BTBD16: variants seen among roughly 807,000 people sequenced by gnomAD.
The protein encoded by BTBD16 is BTB domain containing 16.
A neutral mutation model predicts 67.4 loss-of-function variants in BTBD16; 66 were observed. The ratio of observed to expected loss-of-function variants is 0.98; its 90% CI spans 0.80 to 1.20. The LOEUF (loss-of-function observed/expected upper bound fraction) is 1.20, where lower values mean the gene tolerates loss of function less well. Ranked by LOEUF, BTBD16 falls within the 50% of genes most tolerant of loss-of-function variation. The pLI is 0.00. For missense variants in BTBD16, 634 were observed against 616.0 expected, an observed-to-expected ratio of 1.03 and a Z score of -0.31; for synonymous variants, 242 against 236.4, an observed-to-expected ratio of 1.02 and a Z score of -0.22.
intron 12 of BTBD16, 179 bp from the exon 13 acceptor site, chr10:122,332,257 C>G (rs2096456309): frequency 1.7e-6 from 1 of 600,340 alleles, no homozygotes. Flanking sequence ...GTGCCAGACA[C>G]AGTAAGTTTT....
intron 10 of BTBD16, among the ~76,000 whole-genome samples, chr10:122,307,566 T>C (rs2096405867): frequency 6.6e-6 from 1 of 151,950 alleles, no homozygotes; most frequent in Admixed American, 6.6e-5. Context: ...GTAACAGGCA[T>C]GAGGCAAAAG....
intron 8 of BTBD16, among the ~76,000 whole-genome samples, chr10:122,298,651 C>A (rs1160206698): frequency 3.3e-5 from 5 of 152,158 alleles, no homozygotes; most frequent in Non-Finnish European, 7.3e-5. Context: ...GTGGGCAAAG[C>A]CTATGGTCAG....
rs747145143 is a variant in BTBD16, at chr10:122,337,998, GT to G, written c.1453-11del. Reference sequence around the variant, plus strand: ...TCATCCTAAAAGTCACATTCACTTTGTTTTTTTTCATGTTTTAGACCTTGAA... The same window carrying G: ...TCATCCTAAAAGTCACATTCACTTTGTTTTTTTCATGTTTTAGACCTTGAA... On this transcript the variant is annotated intron_variant, in intron 15 of 15. Coordinates refer to ENST00000260723, the MANE Select transcript of BTBD16 (RefSeq NM_144587.5). 100 of 1,595,628 alleles carry G rather than the reference GT, an allele frequency of 6.3e-5. 2 individuals are homozygous for G. In the East Asian group the frequency reaches 2.0e-3, roughly 32 times the overall value.
At chr10:122,331,591 T>A (rs547542188) in intron 12 of BTBD16, among the ~76,000 whole-genome samples, 97 of 152,364 alleles carry the variant, frequency 6.4e-4, no homozygotes, top group Non-Finnish European at 1.1e-3. Flanking sequence ...CATTTAAATT[T>A]CAAATCACTT....
Position 122,331,275 on chromosome 10 carries a change from G to T in BTBD16, c.1086+17G>T. The T allele has an allele frequency of 6.2e-7, 1 of 1,608,006 alleles. No homozygotes were observed. Among genetic ancestry groups the T allele is most frequent in the South Asian group, 1.1e-5 (1 of 89,280 alleles). On this transcript the variant is annotated intron_variant, in intron 12 of 15. Coordinates refer to ENST00000260723, the MANE Select transcript of BTBD16 (RefSeq NM_144587.5). ...TACCACGCAGTGAGTTGCCTGCTCT[G>T]CAAGGACACAGTTGTCGAAGTTTAT... is the stretch of plus-strand genomic sequence containing the variant.
intron 5 of BTBD16, among the ~76,000 whole-genome samples, chr10:122,289,388 C>G (rs60825902): frequency 0.092 from 13,970 of 152,158 alleles, 1,007 homozygotes; most frequent in African/African-American, 0.19. Context: ...GAACTCTGCA[C>G]TCTTTTTGCA....
intron 8 of BTBD16, 92 bp from the exon 9 acceptor site, chr10:122,298,912 C>G: frequency 6.5e-7 from 1 of 1,529,398 alleles, no homozygotes; most frequent in South Asian, 1.2e-5. Context: ...CAGTGACTCT[C>G]CCTCTGAGCA....
intron 2 of BTBD16, 78 bp from the exon 3 acceptor site, chr10:122,276,713 G>A (rs2096341272): frequency 1.3e-6 from 2 of 1,565,514 alleles, no homozygotes; most frequent in South Asian, 2.4e-5. Context: ...TTTCCTTCTT[G>A]CTATACAATT....
intron 10 of BTBD16, among the ~76,000 whole-genome samples, chr10:122,320,490 T>C (rs1487656281): frequency 6.6e-6 from 1 of 152,166 alleles, no homozygotes; most frequent in African/African-American, 2.4e-5. Flanking sequence ...TTTAAGACTT[T>C]TTTTTCTAAG....
At chr10:122,324,113 T>C (rs948137625) in intron 10 of BTBD16, among the ~76,000 whole-genome samples, 1 of 152,234 alleles carries the variant, frequency 6.6e-6, no homozygotes, top group Non-Finnish European at 1.5e-5. Flanking sequence ...TCCTGTGCCC[T>C]ACCCAAATCT....
At position 122,320,587 on chromosome 10, in the gene BTBD16, T is replaced by C. The variant is rs754694459; in HGVS notation, c.912-8893T>C. Among the ~76,000 whole-genome samples the C allele has an allele frequency of 1.1e-3, 163 of 152,190 alleles. 3 individuals carry two copies. Among genetic ancestry groups the C allele is most frequent in the Non-Finnish European group, 2.3e-3 (155 of 68,028 alleles). ...TGTTGTGTTTTAAACTTCATTCAGT[T>C]CAAAATACTTTCTAATTTTCCCTTT... On this transcript the variant is annotated intron_variant, in intron 10 of 15. Coordinates refer to ENST00000260723, the MANE Select transcript of BTBD16 (RefSeq NM_144587.5).
intron 7 of BTBD16, 117 bp from the exon 8 acceptor site, chr10:122,297,651 C>T: frequency 9.0e-7 from 1 of 1,106,902 alleles, no homozygotes; most frequent in Non-Finnish European, 1.3e-6. Context: ...TAAAGCGAGG[C>T]TCCCTTCCGT....
intron 2 of BTBD16, among the ~76,000 whole-genome samples, chr10:122,275,772 G>A (rs1243499786): frequency 6.6e-6 from 1 of 152,084 alleles, no homozygotes; most frequent in African/African-American, 2.4e-5. Context: ...TCCATGCTGG[G>A]TATCGTCCTT....
In BTBD16 at chr10:122,297,792, A is replaced by T; in HGVS notation, c.615A>T (p.Arg205Ser). Reference sequence around the variant, plus strand: ...GGTGCGTGGATGTGATGATAGCCAGACTCAAGCCAAGCACCATCAAGAAAT... The same window carrying T: ...GGTGCGTGGATGTGATGATAGCCAGTCTCAAGCCAAGCACCATCAAGAAAT... ...FQRCVDVMIARLKPSTIKKFY... is the reference protein window; with the variant it reads ...FQRCVDVMIASLKPSTIKKFY... Residue 205 changes from arginine to serine, a missense_variant, in exon 8 of 16, where the codon AGA becomes AGT. Coordinates refer to ENST00000260723, the MANE Select transcript of BTBD16 (RefSeq NM_144587.5). The T allele has an allele frequency of 6.2e-7, 1 of 1,614,132 alleles. No homozygotes were observed. Among genetic ancestry groups the T allele is most frequent in the Non-Finnish European group, 8.5e-7 (1 of 1,180,028 alleles).
At chr10:122,280,558 T>TTTATATTATA (rs71026011) in intron 3 of BTBD16, among the ~76,000 whole-genome samples, 4 of 31,408 alleles carry the variant, frequency 1.3e-4, no homozygotes, top group African/African-American at 6.1e-4. Context: ...CCCCTATATT[T>TTTATATTATA]TTATATTATA....
intron 10 of BTBD16, among the ~76,000 whole-genome samples, chr10:122,311,294 G>A (rs2096413278): frequency 2.0e-5 from 3 of 152,124 alleles, no homozygotes; most frequent in Admixed American, 6.5e-5. Context: ...AAACAAACAC[G>A]CACGGTCGTG....
intron 8 of BTBD16, among the ~76,000 whole-genome samples, chr10:122,298,097 A>G (rs11594827): frequency 5.9e-4 from 90 of 152,268 alleles, no homozygotes; most frequent in Non-Finnish European, 9.7e-4. Flanking sequence ...AGCCTTTCTC[A>G]CCGAAACAGC....
At chr10:122,328,735 G>C (rs2096449760) in intron 10 of BTBD16, 1 of 985,064 alleles carries the variant, frequency 1.0e-6, no homozygotes, top group African/African-American at 1.7e-5. Context: ...TTTATGAAAA[G>C]TGACCATTTT....
chr10:122,300,094 T>A (rs2142081633), intron 9 of BTBD16, among the ~76,000 whole-genome samples: 1 of 152,354 alleles, frequency 6.6e-6, no homozygotes, highest in East Asian at 1.9e-4. Context: ...TTATTTCTAA[T>A]GTTTTACCAA....
Sources: gnomAD v4.1 joint callset for allele counts (sites outside exome capture counted in the v4.1 genomes callset) on GRCh38, gnomAD v4.1.1 for gene constraint, MANE v1.5 for transcripts, NCBI Gene and HGNC (gene_info 2026-07-23, HGNC 2026-07-21) for gene names.